CLINT1: variants seen among roughly 807,000 people sequenced by gnomAD.
CLINT1 encodes clathrin interactor 1.
A neutral mutation model predicts 70.4 loss-of-function variants in CLINT1; 15 were observed. The observed-to-expected ratio is 0.21, with a 90% confidence interval of 0.14 to 0.33. The LOEUF (loss-of-function observed/expected upper bound fraction) is 0.33. Among genes scored for constraint, CLINT1 ranks in the 10% least tolerant of loss-of-function variants. The pLI is 1.00. For missense variants in CLINT1, 615 were observed against 778.1 expected, an observed-to-expected ratio of 0.79 and a Z score of 2.49; for synonymous variants, 227 against 254.7, an observed-to-expected ratio of 0.89 and a Z score of 1.04.
At chr5:157,825,391 T>A (rs548702120) in intron 1 of CLINT1, among the ~76,000 whole-genome samples, 1 of 152,234 alleles carries the variant, frequency 6.6e-6, no homozygotes, top group African/African-American at 2.4e-5. Flanking sequence ...TATTATACCC[T>A]ATCTTTTAGC....
At chr5:157,852,660 A>C (rs1753614509) in intron 1 of CLINT1, among the ~76,000 whole-genome samples, 6 of 152,200 alleles carry the variant, frequency 3.9e-5, no homozygotes, top group Admixed American at 3.9e-4. Flanking sequence ...CAGAGAAATA[A>C]AGATACCATT....
In CLINT1 at chr5:157,788,001, C is replaced by T. The variant is rs114964494; in HGVS notation, c.1532-9G>A. The T allele has an allele frequency of 9.5e-4, 1,516 of 1,588,834 alleles. 12 individuals are homozygous for T. The African/African-American group carries it at 0.017, about 18-fold the overall frequency. On this transcript the variant is annotated splice_polypyrimidine_tract_variant and intron_variant, in intron 11 of 11. Coordinates refer to ENST00000411809, the MANE Select transcript of CLINT1 (RefSeq NM_014666.4). ...CATAGGCTGCTGCATATCTACCAGA[C>T]GAAAACAGACAGAAGAACTTTACCA...
chr5:157,817,603 A>T, intron 1 of CLINT1, 56 bp from the exon 2 acceptor site: 1 of 1,117,856 alleles, frequency 8.9e-7, no homozygotes, highest in Non-Finnish European at 1.3e-6. Context: ...CAAAACTGAG[A>T]AACACATGAA....
intron 8 of CLINT1, among the ~76,000 whole-genome samples, chr5:157,800,800 T>C (rs1762189008): frequency 6.6e-6 from 1 of 152,176 alleles, no homozygotes. Context: ...AAAGGTTCCT[T>C]GCCAAGTAAA....
At chr5:157,832,811 C>G (rs1015545485) in intron 1 of CLINT1, among the ~76,000 whole-genome samples, 9 of 152,174 alleles carry the variant, frequency 5.9e-5, no homozygotes, top group African/African-American at 2.2e-4. Flanking sequence ...CTTTGCAATT[C>G]TATTCCCTAG....
At chr5:157,788,678 T>C (rs1581469198) in intron 11 of CLINT1, among the ~76,000 whole-genome samples, 1 of 152,012 alleles carries the variant, frequency 6.6e-6, no homozygotes, top group Non-Finnish European at 1.5e-5. Flanking sequence ...TTAGAAAAGA[T>C]GGAAAGTGGC....
At position 157,841,696 on chromosome 5, in the gene CLINT1, T is replaced by C. The variant is rs116326524; in HGVS notation, c.41+17234A>G. Among the ~76,000 whole-genome samples the C allele has an allele frequency of 8.7e-3, 1,327 of 152,298 alleles. 20 individuals are homozygous for C. Among genetic ancestry groups the C allele is most frequent in the African/African-American group, 0.029 (1,202 of 41,558 alleles). The stretch of plus-strand genomic sequence containing the variant: ...AGTGCAGTGGCACAACCAGGGCTCA[T>C]TGAAGCCTCCATCTGCGGAGCTCAA... On this transcript the variant is annotated intron_variant, in intron 1 of 11. Coordinates refer to ENST00000411809, the MANE Select transcript of CLINT1 (RefSeq NM_014666.4).
chr5:157,823,408 G>A (rs1238051096), intron 1 of CLINT1, among the ~76,000 whole-genome samples: 1 of 151,948 alleles, frequency 6.6e-6, no homozygotes, highest in Non-Finnish European at 1.5e-5. Context: ...AAACATCATG[G>A]TAGACCACAT....
At chr5:157,848,492 T>TA (rs1390638321) in intron 1 of CLINT1, among the ~76,000 whole-genome samples, 1 of 151,946 alleles carries the variant, frequency 6.6e-6, no homozygotes, top group Non-Finnish European at 1.5e-5. Context: ...AGCAGAGTTT[T>TA]AGAGGACTGA....
intron 1 of CLINT1, among the ~76,000 whole-genome samples, chr5:157,825,644 A>C (rs1763012287): frequency 6.6e-6 from 1 of 152,214 alleles, no homozygotes; most frequent in Non-Finnish European, 1.5e-5. Flanking sequence ...TGCTGTCTTA[A>C]TGTTCAAAAA....
At chr5:157,818,444 G>C (rs1581506645) in intron 1 of CLINT1, among the ~76,000 whole-genome samples, 1 of 141,438 alleles carries the variant, frequency 7.1e-6, no homozygotes, top group African/African-American at 2.7e-5. Context: ...ACCAGCCTGG[G>C]CAACACAGTG....
intron 4 of CLINT1, 111 bp from the exon 5 acceptor site, chr5:157,813,338 T>A (rs1762617160): frequency 3.9e-6 from 4 of 1,019,910 alleles, no homozygotes; most frequent in Non-Finnish European, 5.5e-6. Context: ...ACTTCAATAT[T>A]TAAAAAACAA....
intron 1 of CLINT1, among the ~76,000 whole-genome samples, chr5:157,850,935 T>C (rs150274114): frequency 2.0e-5 from 3 of 152,180 alleles, no homozygotes; most frequent in South Asian, 4.2e-4. Flanking sequence ...GCTGGGACTA[T>C]AGGCATGCAT....
At chr5:157,854,930 G>A (rs1384344181) in intron 1 of CLINT1, among the ~76,000 whole-genome samples, 1 of 151,928 alleles carries the variant, frequency 6.6e-6, no homozygotes, top group Non-Finnish European at 1.5e-5. Flanking sequence ...GATCACCTGA[G>A]GTCACAAGTT....
At chr5:157,788,968 G>GA (rs58634730) in intron 11 of CLINT1, among the ~76,000 whole-genome samples, 1,235 of 95,488 alleles carry the variant, frequency 0.013, 40 homozygotes, top group African/African-American at 0.038. Context: ...CTCCATCTCA[G>GA]AAAAAAAAAA....
chr5:157,842,409 C>A (rs1145597), intron 1 of CLINT1, among the ~76,000 whole-genome samples: 12,637 of 152,120 alleles, frequency 0.083, 603 homozygotes, highest in East Asian at 0.18. Flanking sequence ...AGCCGAGATC[C>A]GCCACTGCAC....
rs142790012 is a variant in CLINT1, at chr5:157,838,501, G to A, written c.41+20429C>T. ...GCCAGCCTAAGTACATGCTTAATAC[G>A]TACATCTTAATTTTATCTATAAATT... On this transcript the variant is annotated intron_variant, in intron 1 of 11. Transcript: ENST00000411809. Among the ~76,000 whole-genome samples the A allele has an allele frequency of 1.6e-3, 245 of 152,286 alleles. 2 individuals carry two copies. The highest frequency in any genetic ancestry group is 5.5e-3 in the African/African-American group (229 of 41,552).
chr5:157,837,610 T>C (rs1348956808), intron 1 of CLINT1, among the ~76,000 whole-genome samples: 8 of 151,864 alleles, frequency 5.3e-5, no homozygotes, highest in Admixed American at 3.9e-4. Flanking sequence ...AAATTCAAAA[T>C]CAGTGTTGTC....
chr5:157,842,610 A>G (rs1401097797), intron 1 of CLINT1, among the ~76,000 whole-genome samples: 1 of 152,356 alleles, frequency 6.6e-6, no homozygotes, highest in South Asian at 2.1e-4. Flanking sequence ...AATATTTACC[A>G]TAAAATATTT....
Sources: allele counts gnomAD v4.1 joint callset (sites outside exome capture counted in the v4.1 genomes callset), GRCh38; gene constraint gnomAD v4.1.1; transcripts MANE v1.5; gene names NCBI Gene and HGNC (gene_info 2026-07-23, HGNC 2026-07-21).